Variants in RSPO2 observed in about 807,000 individuals in gnomAD.
RSPO2 encodes R-spondin-2.
Under a neutral mutation model 30.9 loss-of-function variants are expected in RSPO2, and 14 were observed. The ratio of observed to expected loss-of-function variants is 0.45; its 90% CI spans 0.30 to 0.71. RSPO2 has a LOEUF of 0.71. Ranked by LOEUF, RSPO2 falls within the 30% of genes least tolerant of loss-of-function variation. The pLI, the probability that RSPO2 is intolerant of heterozygous loss-of-function variation, is 0.08. For missense variants in RSPO2, 264 were observed against 301.9 expected (o/e 0.87, Z 0.93); for synonymous variants, 107 against 96.4 (o/e 1.11, Z -0.64).
chr8:108,010,611 T>G (rs944636371), intron 2 of RSPO2, among the ~76,000 whole-genome samples: 5 of 152,026 alleles, frequency 3.3e-5, no homozygotes. Flanking sequence ...CCTGGACACA[T>G]GAACAGAGCC....
At chr8:107,913,523 C>T (rs1305980373) in intron 5 of RSPO2, among the ~76,000 whole-genome samples, 4 of 152,200 alleles carry the variant, frequency 2.6e-5, no homozygotes, top group Admixed American at 6.6e-5. Context: ...TTGTCAACTA[C>T]CCAAGTAGAG....
intron 3 of RSPO2, among the ~76,000 whole-genome samples, chr8:107,978,313 G>C (rs1474671668): frequency 6.6e-6 from 1 of 152,096 alleles, no homozygotes; most frequent in African/African-American, 2.4e-5. Flanking sequence ...TGTAATCCCA[G>C]CTACTTGGGA....
rs1811431936 is a variant in RSPO2, at chr8:107,900,806, T to C, written c.*269A>G. ...GTTCTGCAGCCTCACACCTCTAGCA[T>C]GTCCATGGTGCCGGGGACGGATTCT... On this transcript the variant is annotated 3_prime_UTR_variant, in exon 6 of 6. Coordinates refer to ENST00000276659, the MANE Select transcript of RSPO2 (RefSeq NM_178565.5). 3.0e-6 allele frequency: 1 copy of C among 336,500 alleles called. No homozygotes were observed. The highest frequency in any genetic ancestry group is 5.4e-6 in the Non-Finnish European group (1 of 185,562). 20.8% of individuals were successfully genotyped at this position (336,500 alleles called of 1,614,324 possible).
Position 107,900,126 on chromosome 8 carries a change from G to GTT in RSPO2, c.*947_*948dup, listed in dbSNP as rs1442013576. On this transcript the variant is annotated 3_prime_UTR_variant, in exon 6 of 6. Coordinates refer to ENST00000276659, the MANE Select transcript of RSPO2 (RefSeq NM_178565.5). ...CTGGATATAGTCCCTCATGTTTTCAGTTGTGTTTCATCAAAGTCATCACAT... is the reference window on the plus strand; with the variant it reads ...CTGGATATAGTCCCTCATGTTTTCAGTTTTGTGTTTCATCAAAGTCATCACAT... 1.3e-5 allele frequency: 2 copies of GTT among 152,218 alleles called. No individual in the cohort carries two copies. The highest frequency in any genetic ancestry group is 4.8e-5 in the African/African-American group (2 of 41,462). 9.4% of individuals were successfully genotyped at this position (152,218 alleles called of 1,614,324 possible). A position where few individuals can be genotyped will look rare whatever the true frequency, so the allele number is the denominator to read the frequency against.
chr8:107,924,885 T>C (rs186634213), intron 5 of RSPO2, among the ~76,000 whole-genome samples: 1 of 151,686 alleles, frequency 6.6e-6, no homozygotes, highest in African/African-American at 2.4e-5. Flanking sequence ...GGTTTAAATA[T>C]GCATGCAAAA....
intron 5 of RSPO2, among the ~76,000 whole-genome samples, chr8:107,923,467 T>C (rs1249383402): frequency 6.6e-6 from 1 of 152,182 alleles, no homozygotes; most frequent in East Asian, 1.9e-4. Flanking sequence ...ACACTGTTGG[T>C]GGGAGTATAA....
At chr8:108,022,933 C>CAAAAAAAAAAAAAAAA (rs71562170) in intron 2 of RSPO2, among the ~76,000 whole-genome samples, 1 of 130,386 alleles carries the variant, frequency 7.7e-6, no homozygotes, top group Non-Finnish European at 1.6e-5. Context: ...AAAAAAAAAA[C>CAAAAAAAAAAAAAAAA]AAAAAAAAAA....
Position 107,906,274 on chromosome 8 carries a change from C to T in RSPO2, c.617-5084G>A, listed in dbSNP as rs571599520. Among the ~76,000 whole-genome samples the T allele has an allele frequency of 4.5e-4, 68 of 151,938 alleles. No homozygotes were observed. The South Asian group carries it at 0.013, about 30-fold the overall frequency. On this transcript the variant is annotated intron_variant, in intron 5 of 5. Transcript: ENST00000276659. ...GTAATGTACTTAAATGTCCTGACTA[C>T]ACTTTTCATGACCTCTTCTTTTTGT...
intron 2 of RSPO2, among the ~76,000 whole-genome samples, chr8:108,042,300 C>T (rs564396069): frequency 4.6e-5 from 7 of 152,106 alleles, no homozygotes; most frequent in East Asian, 1.9e-4. Flanking sequence ...CTGGTGATAA[C>T]GTGGGGGAAG....
chr8:108,073,703 A>G (rs936153401), intron 2 of RSPO2, among the ~76,000 whole-genome samples: 3 of 152,254 alleles, frequency 2.0e-5, no homozygotes, highest in Non-Finnish European at 4.4e-5. Flanking sequence ...TTGTACTTTT[A>G]TAAACTCTTT....
chr8:107,915,343 T>C (rs1811946214), intron 5 of RSPO2, among the ~76,000 whole-genome samples: 1 of 152,028 alleles, frequency 6.6e-6, no homozygotes, highest in South Asian at 2.1e-4. Flanking sequence ...TATCCTAGGG[T>C]CTGCCAACAC....
At chr8:107,925,578 C>T (rs986259955) in intron 5 of RSPO2, among the ~76,000 whole-genome samples, 13 of 151,860 alleles carry the variant, frequency 8.6e-5, no homozygotes, top group African/African-American at 1.4e-4. Context: ...CATCAGGCCC[C>T]GGTGTGTGAT....
chr8:108,024,420 A>G (rs147308955), intron 2 of RSPO2, among the ~76,000 whole-genome samples: 1 of 151,984 alleles, frequency 6.6e-6, no homozygotes, highest in Non-Finnish European at 1.5e-5. Context: ...GTTATTTCCA[A>G]CATATACTGT....
At chr8:108,064,015 T>C (rs995805796) in intron 2 of RSPO2, among the ~76,000 whole-genome samples, 18 of 152,140 alleles carry the variant, frequency 1.2e-4, no homozygotes, top group Non-Finnish European at 1.3e-4. Flanking sequence ...TTACCCCTTA[T>C]ACAAAAATTA....
intron 3 of RSPO2, among the ~76,000 whole-genome samples, chr8:107,982,009 C>CAACA (rs1490143074): frequency 1.4e-4 from 8 of 55,386 alleles, no homozygotes; most frequent in African/African-American, 6.4e-4. Flanking sequence ...ACAACAACAA[C>CAACA]AAAAAAAAAA....
At chr8:108,057,770 A>G (rs1303967658) in intron 2 of RSPO2, among the ~76,000 whole-genome samples, 1 of 152,114 alleles carries the variant, frequency 6.6e-6, no homozygotes, top group Non-Finnish European at 1.5e-5. Flanking sequence ...TTGCAATATA[A>G]CCAGTTTCTT....
At chr8:107,975,404 T>A (rs969167280) in intron 3 of RSPO2, among the ~76,000 whole-genome samples, 1 of 152,196 alleles carries the variant, frequency 6.6e-6, no homozygotes, top group African/African-American at 2.4e-5. Flanking sequence ...CACACTCTAG[T>A]ATTATCTCCG....
At chr8:107,991,253 C>T (rs1349177820) in intron 2 of RSPO2, among the ~76,000 whole-genome samples, 2 of 119,074 alleles carry the variant, frequency 1.7e-5, no homozygotes, top group African/African-American at 6.1e-5. Flanking sequence ...ATCTCAAACA[C>T]ACACACACAC....
intron 2 of RSPO2, among the ~76,000 whole-genome samples, chr8:108,053,124 G>A (rs370338552): frequency 1.3e-5 from 2 of 152,078 alleles, no homozygotes; most frequent in East Asian, 1.9e-4. Flanking sequence ...ATCTTGATCT[G>A]CTAGATAGTA....
Sources: allele counts gnomAD v4.1 joint callset (sites outside exome capture counted in the v4.1 genomes callset), GRCh38; gene constraint gnomAD v4.1.1; transcripts MANE v1.5; gene names NCBI Gene and HGNC (gene_info 2026-07-23, HGNC 2026-07-21).